The following MBP variants were observed in gnomAD, a reference collection of about 807,000 sequenced individuals.
The protein encoded by MBP is myelin basic protein, also known as Golli-MBP.
In MBP, 16 loss-of-function variants were observed where a neutral mutation model predicts 35.8. That is an observed-to-expected ratio of 0.45 (90% CI 0.30 to 0.68). The LOEUF (loss-of-function observed/expected upper bound fraction) is 0.68, where lower values mean the gene tolerates loss of function less well. MBP is among the 30% of genes least tolerant of loss of function. The pLI is 0.08. For missense variants in MBP, 380 were observed against 404.7 expected (o/e 0.94, Z 0.52); for synonymous variants, 143 against 159.6 (o/e 0.90, Z 0.78).
chr18:76,994,204 C>A (rs921621852), intron 4 of MBP, among the ~76,000 whole-genome samples: 1 of 152,216 alleles, frequency 6.6e-6, no homozygotes, highest in Non-Finnish European at 1.5e-5. Flanking sequence ...TTATTAGCTC[C>A]TACTCCAGTG....
rs77444090 is a variant in MBP at position 77,100,708 on chromosome 18, T to C, written c.51+4503A>G. Reference sequence around the variant, plus strand: ...CTGGGACTGTAGGTGCACAGCACCATGCCCAGCTAATTTTTTGATTTTTTT... The same window carrying C: ...CTGGGACTGTAGGTGCACAGCACCACGCCCAGCTAATTTTTTGATTTTTTT... On this transcript the variant is annotated intron_variant, in intron 2 of 8. Transcript: ENST00000355994. Among the ~76,000 whole-genome samples the C allele has an allele frequency of 8.6e-3, 1,311 of 152,246 alleles. 12 individuals carry two copies. Among genetic ancestry groups the C allele is most frequent in the Non-Finnish European group, 0.013 (906 of 68,014 alleles).
intron 3 of MBP, among the ~76,000 whole-genome samples, chr18:77,022,626 C>T (rs1375671035): frequency 6.6e-6 from 1 of 152,068 alleles, no homozygotes; most frequent in Non-Finnish European, 1.5e-5. Flanking sequence ...TGTTCTCTAG[C>T]TAATATAAAT....
At chr18:77,064,419 A>G (rs903463872) in intron 3 of MBP, among the ~76,000 whole-genome samples, 4 of 152,182 alleles carry the variant, frequency 2.6e-5, no homozygotes, top group African/African-American at 9.6e-5. Context: ...TCCTATAAAG[A>G]GCATAATAAA....
chr18:77,128,744 G>T (rs148125219), intron 1 of MBP, among the ~76,000 whole-genome samples: 2 of 152,150 alleles, frequency 1.3e-5, no homozygotes, highest in South Asian at 4.1e-4. Flanking sequence ...TTACTACATT[G>T]CTTCAGTGAA....
At position 77,102,745 on chromosome 18, in the gene MBP, T is replaced by C. The variant is rs1053471375; in HGVS notation, c.51+2466A>G. 1.3e-5 allele frequency among the ~76,000 whole-genome samples: 2 copies of C among 152,206 alleles called. No homozygotes were observed. The highest frequency in any genetic ancestry group is 2.9e-5 in the Non-Finnish European group (2 of 68,026). ...ACACCACAGAGAGGTTTCTTGAAAC[T>C]GGAGTTGCAAATCAGTCATTCTAAG... is the stretch of plus-strand genomic sequence containing the variant. On this transcript the variant is annotated intron_variant, in intron 2 of 8. Coordinates refer to ENST00000355994, the MANE Select transcript of MBP (RefSeq NM_001025101.2). The surrounding 1 kb of genome is among the most constrained non-coding windows in gnomAD (Gnocchi z 4.4).
At chr18:77,069,806 A>C (rs1465532427) in intron 2 of MBP, among the ~76,000 whole-genome samples, 1 of 151,972 alleles carries the variant, frequency 6.6e-6, no homozygotes, top group East Asian at 1.9e-4. Context: ...TGGTGCGTCC[A>C]CTCTGTTTAT....
intron 3 of MBP, among the ~76,000 whole-genome samples, chr18:77,060,913 G>A (rs1344838358): frequency 6.6e-6 from 1 of 152,228 alleles, no homozygotes; most frequent in Admixed American, 6.5e-5. Context: ...CCCAGGTGGA[G>A]TCTGTCTTCT....
At chr18:76,984,639 C>T (rs1465383926) in intron 8 of MBP, 136 bp downstream of exon 8, 14 of 1,218,178 alleles carry the variant, frequency 1.1e-5, no homozygotes, top group South Asian at 6.7e-5. Context: ...AGCCCCTGCA[C>T]GCCTGCTGGG....
chr18:77,116,765 A>G (rs1283904189), intron 1 of MBP, among the ~76,000 whole-genome samples: 1 of 152,192 alleles, frequency 6.6e-6, no homozygotes, highest in East Asian at 1.9e-4. Context: ...AGGCTGAGGC[A>G]GGAGAATCTC....
chr18:77,055,661 T>C (rs1228312683), intron 3 of MBP, among the ~76,000 whole-genome samples: 2 of 152,140 alleles, frequency 1.3e-5, no homozygotes, highest in Non-Finnish European at 2.9e-5. Context: ...GGCTGCTATC[T>C]TTCATAGGAT....
intron 4 of MBP, chr18:77,003,475 G>A (rs1970747389): frequency 6.6e-6 from 1 of 152,196 alleles, no homozygotes; most frequent in Admixed American, 6.5e-5. Flanking sequence ...CTCAGGAAGT[G>A]CAGATACCAG....
Position 76,988,949 on chromosome 18 carries a change from G to A in MBP, c.682-37C>T, listed in dbSNP as rs201474004. On this transcript the variant is annotated intron_variant, in intron 5 of 8. Coordinates refer to ENST00000355994, the MANE Select transcript of MBP (RefSeq NM_001025101.2). The surrounding 1 kb of genome is among the most constrained non-coding windows in gnomAD (Gnocchi z 5.2). ...CAGAGAACCGTGGGCTGCACTGGGA[G>A]CCCTGTGCCGCCGTCCATTTCCTAA... 142 of 1,602,408 alleles carry A rather than the reference G, an allele frequency of 8.9e-5. 1 individual carries two copies. The African/African-American group carries it at 1.7e-3, about 19-fold the overall frequency.
chr18:77,115,185 T>C (rs1191328100), intron 1 of MBP: 2 of 152,208 alleles, frequency 1.3e-5, no homozygotes, highest in Admixed American at 6.5e-5. Flanking sequence ...AGGGTCAACA[T>C]GACCCCGGGC....
intron 3 of MBP, among the ~76,000 whole-genome samples, chr18:77,051,534 C>A (rs1026344145): frequency 2.0e-5 from 3 of 152,158 alleles, no homozygotes; most frequent in Non-Finnish European, 2.9e-5. Flanking sequence ...GATCTAAATG[C>A]CTCTGCAGCA....
intron 3 of MBP, among the ~76,000 whole-genome samples, chr18:77,019,332 G>A (rs1971889725): frequency 3.3e-5 from 5 of 152,294 alleles, no homozygotes; most frequent in Admixed American, 3.3e-4. Flanking sequence ...AGGTCATTCT[G>A]CAGTAGGGTG....
intron 4 of MBP, chr18:77,015,309 T>C: frequency 2.0e-6 from 2 of 985,442 alleles, no homozygotes; most frequent in Non-Finnish European, 1.2e-6. Context: ...AGTTCAAGCT[T>C]TCAAAACTGG....
At chr18:77,009,719 A>G in intron 4 of MBP, 1 of 788,764 alleles carries the variant, frequency 1.3e-6, no homozygotes, top group Non-Finnish European at 2.0e-6. Context: ...TCACGGCCTC[A>G]CAGATGCCCC....
intron 4 of MBP, among the ~76,000 whole-genome samples, chr18:77,007,037 G>C (rs1470834375): frequency 6.6e-6 from 1 of 152,166 alleles, no homozygotes; most frequent in Admixed American, 6.5e-5. Flanking sequence ...TCTTGGTTCC[G>C]ACTCTGCTGG....
At chr18:77,069,132 T>C (rs956514294) in intron 2 of MBP, 8 of 450,386 alleles carry the variant, frequency 1.8e-5, no homozygotes, top group Non-Finnish European at 3.1e-5. Context: ...ACAAGAACAG[T>C]GCCTTACACA....
Sources: allele counts gnomAD v4.1 joint callset (sites outside exome capture counted in the v4.1 genomes callset), GRCh38; gene constraint gnomAD v4.1.1; non-coding constraint Gnocchi (gnomAD v3.1); transcripts MANE v1.5; gene names NCBI Gene and HGNC (gene_info 2026-07-23, HGNC 2026-07-21).